The following ADAMTS19 variants were observed in gnomAD, a reference collection of about 807,000 sequenced individuals.
ADAMTS19 encodes A disintegrin and metalloproteinase with thrombospondin motifs 19.
In ADAMTS19, 93 loss-of-function variants were observed where a neutral mutation model predicts 153.3. The ratio of observed to expected loss-of-function variants is 0.61; its 90% CI spans 0.51 to 0.72. The LOEUF (loss-of-function observed/expected upper bound fraction) is 0.72. Ranked by LOEUF, ADAMTS19 falls within the 30% of genes least tolerant of loss-of-function variation. The pLI, the probability that ADAMTS19 is intolerant of heterozygous loss-of-function variation, is 0.00. For synonymous variants in ADAMTS19, 600 were observed against 556.6 expected (o/e 1.08, Z -1.10); for missense variants, 1,482 against 1,552.1 (o/e 0.95, Z 0.76).
At chr5:129,529,856 C>T (rs905631365) in intron 6 of ADAMTS19, among the ~76,000 whole-genome samples, 1 of 151,992 alleles carries the variant, frequency 6.6e-6, no homozygotes, top group African/African-American at 2.4e-5. Flanking sequence ...CTATGGAGTT[C>T]AGAATTTAAA....
chr5:129,726,104 G>GA (rs1225127850), intron 21 of ADAMTS19, among the ~76,000 whole-genome samples: 1 of 152,062 alleles, frequency 6.6e-6, no homozygotes. Context: ...AATTTTCTAA[G>GA]CTGTTTAAGT....
chr5:129,677,054 T>A (rs114534327), intron 16 of ADAMTS19, among the ~76,000 whole-genome samples: 1 of 152,164 alleles, frequency 6.6e-6, no homozygotes, highest in African/African-American at 2.4e-5. Context: ...AAATACTTAA[T>A]AGACTTTAAT....
intron 3 of ADAMTS19, among the ~76,000 whole-genome samples, chr5:129,523,612 G>A (rs1470327701): frequency 3.3e-5 from 5 of 152,038 alleles, no homozygotes; most frequent in East Asian, 1.9e-4. Flanking sequence ...TGTTATAATC[G>A]CAAATTTATT....
chr5:129,608,442 A>C (rs1751035504), intron 8 of ADAMTS19, among the ~76,000 whole-genome samples: 2 of 151,980 alleles, frequency 1.3e-5, no homozygotes. Flanking sequence ...CTATAGTTAA[A>C]GAAGTTAGCA....
chr5:129,461,295 G>A lies in ADAMTS19; in HGVS notation c.285G>A (p.Val95=). ...GCGAGGTGCGCTCTGTGGCTCCGGT[G>A]CCTTTGGAGGAGCCCGTGGAGGGCC... The part of the protein sequence containing the change: ...SSREVRSVAP[V]PLEEPVEGRS... The change falls in exon 2 of 23, where the codon GTG becomes GTA. Residue 95 remains valine, a synonymous_variant. Coordinates refer to ENST00000274487, the MANE Select transcript of ADAMTS19 (RefSeq NM_133638.6). The surrounding 1 kb of genome is among the most constrained non-coding windows in gnomAD (Gnocchi z 4.6). 7.7e-7 allele frequency: 1 copy of A among 1,293,914 alleles called. No individual in the cohort carries two copies. The highest frequency in any genetic ancestry group is 9.7e-7 in the Non-Finnish European group (1 of 1,027,114). 80.2% of individuals were successfully genotyped at this position (1,293,914 alleles called of 1,614,324 possible). A position where few individuals can be genotyped will look rare whatever the true frequency, so the allele number is the denominator to read the frequency against.
At chr5:129,686,022 A>G (rs190049379) in intron 18 of ADAMTS19, among the ~76,000 whole-genome samples, 27 of 152,322 alleles carry the variant, frequency 1.8e-4, no homozygotes, top group Non-Finnish European at 3.2e-4. Flanking sequence ...CATTTTGAAA[A>G]GAGAAAATGT....
At chr5:129,680,382 C>A (rs1369852849) in intron 17 of ADAMTS19, among the ~76,000 whole-genome samples, 1 of 152,068 alleles carries the variant, frequency 6.6e-6, no homozygotes, top group African/African-American at 2.4e-5. Flanking sequence ...CTCCCCATCA[C>A]CCTGTTTGTT....
chr5:129,481,824 C>T (rs938893340), intron 2 of ADAMTS19, among the ~76,000 whole-genome samples: 4 of 152,146 alleles, frequency 2.6e-5, no homozygotes, highest in African/African-American at 9.7e-5. Flanking sequence ...ATACACACTA[C>T]GTATAAATAG....
rs1405595735 is a variant in ADAMTS19 at position 129,641,884 on chromosome 5, G to T, written c.1796G>T (p.Cys599Phe). Reference sequence around the variant, plus strand: ...CATGTTATTTGCACAGGATTATGGTGCAAGGTAGAAGGTGAGAAAGAATGC... The same window carrying T: ...CATGTTATTTGCACAGGATTATGGTTCAAGGTAGAAGGTGAGAAAGAATGC... Reference protein sequence around the residue: ...MQHVICTGLWCKVEGEKECRT... With the variant: ...MQHVICTGLWFKVEGEKECRT... The change falls in exon 11 of 23, where the codon TGC becomes TTC. Residue 599 changes from cysteine to phenylalanine, a missense_variant. By Grantham distance (205) the Cys-to-Phe change is radical. This residue lies in a region of ADAMTS19 where 866 missense variants were observed against 827.7 expected (regional missense o/e 1.05). Coordinates refer to ENST00000274487, the MANE Select transcript of ADAMTS19 (RefSeq NM_133638.6). The T allele has an allele frequency of 6.2e-7, 1 of 1,601,756 alleles. No individual in the cohort carries two copies. The highest frequency in any genetic ancestry group is 8.5e-7 in the Non-Finnish European group (1 of 1,172,638).
intron 10 of ADAMTS19, among the ~76,000 whole-genome samples, chr5:129,641,275 G>C (rs27909): frequency 1.3e-4 from 20 of 151,700 alleles, no homozygotes. Context: ...TAACATTTCC[G>C]TAGAAAAAAT....
At chr5:129,586,996 T>G (rs1749836900) in intron 7 of ADAMTS19, among the ~76,000 whole-genome samples, 1 of 152,242 alleles carries the variant, frequency 6.6e-6, no homozygotes, top group Admixed American at 6.5e-5. Flanking sequence ...CTCACATGTA[T>G]ACTATGTTCC....
intron 2 of ADAMTS19, among the ~76,000 whole-genome samples, chr5:129,501,354 T>C (rs1193294711): frequency 6.6e-6 from 1 of 152,052 alleles, no homozygotes; most frequent in Non-Finnish European, 1.5e-5. Flanking sequence ...AGCCAAGAAG[T>C]CTGATCATAT....
intron 2 of ADAMTS19, among the ~76,000 whole-genome samples, chr5:129,467,821 C>T (rs868507959): frequency 1.3e-5 from 2 of 152,210 alleles, no homozygotes; most frequent in Non-Finnish European, 2.9e-5. Context: ...ACCTATTCCC[C>T]GGTTAGTACT....
chr5:129,551,559 A>AT (rs77602373), intron 6 of ADAMTS19, among the ~76,000 whole-genome samples: 1 of 151,306 alleles, frequency 6.6e-6, no homozygotes, highest in East Asian at 1.9e-4. Context: ...CCAATACCAG[A>AT]TTTTTTTGTA....
chr5:129,680,667 C>T (rs531230538), intron 17 of ADAMTS19, among the ~76,000 whole-genome samples: 16 of 150,562 alleles, frequency 1.1e-4, no homozygotes, highest in Non-Finnish European at 1.2e-4. Flanking sequence ...GAGGCTGAGG[C>T]AGGAGAATTG....
chr5:129,679,950 A>G, intron 17 of ADAMTS19, 29 bp downstream of exon 17: 2 of 1,592,654 alleles, frequency 1.3e-6, no homozygotes, highest in Admixed American at 3.6e-5. Flanking sequence ...ATAACATGGC[A>G]TAATCAACTT....
At chr5:129,635,328 C>T (rs528369682) in intron 10 of ADAMTS19, among the ~76,000 whole-genome samples, 2 of 152,268 alleles carry the variant, frequency 1.3e-5, no homozygotes, top group Admixed American at 1.3e-4. Context: ...TTAGTTCAAC[C>T]ATTGTGGAAA....
chr5:129,466,921 G>A (rs1045423136), intron 2 of ADAMTS19, among the ~76,000 whole-genome samples: 4 of 152,170 alleles, frequency 2.6e-5, no homozygotes, highest in Admixed American at 6.5e-5. Flanking sequence ...ATGGAAAGCA[G>A]TTTATGTGTA....
In ADAMTS19 at chr5:129,461,887, C is replaced by G. The variant is rs1482921166; in HGVS notation, c.747+130C>G. ...TTTTGAGCTTGGCCCTAGACTGCAC[C>G]CCCAGGTGTCTACATCGTTTGCCTC... On this transcript the variant is annotated intron_variant, in intron 2 of 22. Coordinates refer to ENST00000274487, the MANE Select transcript of ADAMTS19 (RefSeq NM_133638.6). This position sits in a 1 kb window ranked among gnomAD's most constrained non-coding sequence, Gnocchi z 4.6. 2 of 1,290,298 alleles carry G rather than the reference C, an allele frequency of 1.6e-6. No homozygotes were observed. The highest frequency in any genetic ancestry group is 4.8e-5 in the South Asian group (2 of 41,840). The allele number at this position is 1,290,298 out of a possible 1,614,324, so 79.9% of individuals were successfully genotyped here. A position where few individuals can be genotyped will look rare whatever the true frequency, so the allele number is the denominator to read the frequency against.
Sources: gnomAD v4.1 joint callset for allele counts (sites outside exome capture counted in the v4.1 genomes callset) on GRCh38, gnomAD v4.1.1 for gene constraint, gnomAD v4.1.1 regional missense constraint, Gnocchi (gnomAD v3.1) non-coding constraint, MANE v1.5 for transcripts, NCBI Gene and HGNC (gene_info 2026-07-23, HGNC 2026-07-21) for gene names.